The following HTR3B variants were observed in gnomAD, a reference collection of about 807,000 sequenced individuals.
The protein encoded by HTR3B is 5-hydroxytryptamine (serotonin) receptor 3B, ionotropic.
In HTR3B, 44 loss-of-function variants were observed where a neutral mutation model predicts 42.8. The ratio of observed to expected loss-of-function variants is 1.03; its 90% CI spans 0.81 to 1.32. The LOEUF is 1.32. Among genes scored for constraint, HTR3B ranks in the 40% most tolerant of loss-of-function variants. The pLI, the probability that HTR3B is intolerant of heterozygous loss-of-function variation, is 0.00. For synonymous variants in HTR3B, 203 were observed against 209.0 expected (o/e 0.97, Z 0.25); for missense variants, 527 against 536.5 (o/e 0.98, Z 0.17).
At chr11:113,912,978 A>G (rs1199552762) in intron 2 of HTR3B, among the ~76,000 whole-genome samples, 1 of 149,282 alleles carries the variant, frequency 6.7e-6, no homozygotes, top group Non-Finnish European at 1.5e-5. Context: ...TACCTCCTAT[A>G]TTATATAATA....
In HTR3B at chr11:113,916,244, C is replaced by T. The variant is rs370443649; in HGVS notation, c.213+6789C>T. Among the ~76,000 whole-genome samples, 529 of 152,240 alleles carry T rather than the reference C, an allele frequency of 3.5e-3. 2 individuals are homozygous for T. Among genetic ancestry groups the T allele is most frequent in the Middle Eastern group, 0.014 (4 of 294 alleles). ...AACATGTTGAACATTTTTTCATGTG[C>T]TTATTTGCCAATTGCCAACTGTATA... On this transcript the variant is annotated intron_variant, in intron 2 of 8. Transcript: ENST00000260191.
intron 2 of HTR3B, among the ~76,000 whole-genome samples, chr11:113,930,326 A>G (rs778583374): frequency 1.1e-4 from 16 of 152,042 alleles, no homozygotes; most frequent in Non-Finnish European, 2.1e-4. Context: ...TTTATAGTTT[A>G]AGCTCTTACA....
At chr11:113,914,403 G>T (rs906945767) in intron 2 of HTR3B, among the ~76,000 whole-genome samples, 2 of 151,124 alleles carry the variant, frequency 1.3e-5, no homozygotes, top group African/African-American at 4.9e-5. Flanking sequence ...GGCGGAGGTT[G>T]CAGTGAGCCG....
intron 6 of HTR3B, among the ~76,000 whole-genome samples, chr11:113,942,146 G>A (rs975896631): frequency 6.6e-6 from 1 of 152,162 alleles, no homozygotes; most frequent in Non-Finnish European, 1.5e-5. Flanking sequence ...GAGGCAGGGG[G>A]ATCACCTGAG....
upstream of HTR3B, among the ~76,000 whole-genome samples, chr11:113,904,261 A>G (rs1949717900): frequency 6.6e-6 from 1 of 152,230 alleles, no homozygotes; most frequent in Admixed American, 6.5e-5. Context: ...CATCCTTTCT[A>G]GAAGGTTACT....
intron 6 of HTR3B, among the ~76,000 whole-genome samples, chr11:113,938,083 T>G (rs1176737): frequency 6.6e-6 from 1 of 152,020 alleles, no homozygotes; most frequent in Non-Finnish European, 1.5e-5. Context: ...GTCTCTTCTC[T>G]TCTTATCAGA....
At position 113,940,011 on chromosome 11, in the gene HTR3B, C is replaced by T. The variant is rs150240734; in HGVS notation, c.697-2971C>T. Reference sequence around the variant, plus strand: ...AAGCGATTCTCCTGCCTCAGCCTCCCGAGTAGCTGGGACTACAGGCACATG... The same window carrying T: ...AAGCGATTCTCCTGCCTCAGCCTCCTGAGTAGCTGGGACTACAGGCACATG... On this transcript the variant is annotated intron_variant, in intron 6 of 8. Coordinates refer to ENST00000260191, the MANE Select transcript of HTR3B (RefSeq NM_006028.5). Among the ~76,000 whole-genome samples, 113 of 151,996 alleles carry T rather than the reference C, an allele frequency of 7.4e-4. 2 individuals are homozygous for T. The East Asian group carries it at 0.021, about 28-fold the overall frequency.
upstream of HTR3B, among the ~76,000 whole-genome samples, chr11:113,903,114 T>C (rs899156936): frequency 1.3e-5 from 2 of 152,086 alleles, no homozygotes; most frequent in Non-Finnish European, 2.9e-5. Context: ...CAAGCAGTCC[T>C]CTTACTTCAA....
intron 1 of HTR3B, among the ~76,000 whole-genome samples, chr11:113,906,542 T>C (rs561304201): frequency 6.6e-6 from 1 of 152,270 alleles, no homozygotes; most frequent in South Asian, 2.1e-4. Context: ...ATGCAGAAAA[T>C]ACCACTGGCT....
chr11:113,939,876 T>C (rs1950119811), intron 6 of HTR3B, among the ~76,000 whole-genome samples: 1 of 150,106 alleles, frequency 6.7e-6, no homozygotes, highest in Non-Finnish European at 1.5e-5. Flanking sequence ...TCTGGAACTC[T>C]GTCCCCTTGG....
At chr11:113,938,551 G>T (rs1024528236) in intron 6 of HTR3B, among the ~76,000 whole-genome samples, 6 of 152,110 alleles carry the variant, frequency 3.9e-5, no homozygotes, top group African/African-American at 1.4e-4. Context: ...CTTATTAATA[G>T]TACTAACTTC....
chr11:113,931,896 G>T, intron 4 of HTR3B, 29 bp downstream of exon 4: 2 of 1,253,812 alleles, frequency 1.6e-6, no homozygotes, highest in Non-Finnish European at 2.4e-6. Context: ...ATTTCTGTGG[G>T]GTTTAGACTG....
intron 3 of HTR3B, 121 bp from the exon 4 acceptor site, chr11:113,931,637 C>T: frequency 2.8e-6 from 2 of 709,732 alleles, no homozygotes; most frequent in Non-Finnish European, 4.8e-6. Context: ...AGTCCTTTCT[C>T]CTAACAGGTA....
intron 7 of HTR3B, among the ~76,000 whole-genome samples, chr11:113,943,693 A>C (rs961385730): frequency 1.3e-5 from 2 of 151,778 alleles, no homozygotes; most frequent in African/African-American, 4.8e-5. Flanking sequence ...TGAGCCATTG[A>C]TTTCAGCTAT....
chr11:113,926,695 T>G (rs535414856), intron 2 of HTR3B, among the ~76,000 whole-genome samples: 2 of 152,034 alleles, frequency 1.3e-5, no homozygotes, highest in South Asian at 4.2e-4. Context: ...ACCCAACTAA[T>G]TTTTGTATTT....
chr11:113,903,654 C>T (rs1225251711), upstream of HTR3B, among the ~76,000 whole-genome samples: 1 of 152,062 alleles, frequency 6.6e-6, no homozygotes, highest in Non-Finnish European at 1.5e-5. Flanking sequence ...TCTCAAACTC[C>T]TAACCTCAAG....
intron 2 of HTR3B, among the ~76,000 whole-genome samples, chr11:113,927,061 A>C (rs1019756458): frequency 2.0e-5 from 3 of 152,154 alleles, no homozygotes; most frequent in African/African-American, 7.2e-5. Flanking sequence ...TCTCCTTAGG[A>C]GAAATATATA....
chr11:113,936,323 C>T, intron 6 of HTR3B, among the ~76,000 whole-genome samples: 1 of 152,158 alleles, frequency 6.6e-6, no homozygotes, highest in South Asian at 2.1e-4. Flanking sequence ...CAGATATCCT[C>T]ACACCAAGTA....
intron 6 of HTR3B, among the ~76,000 whole-genome samples, chr11:113,936,322 T>C (rs948101855): frequency 3.9e-5 from 6 of 152,252 alleles, no homozygotes; most frequent in African/African-American, 9.6e-5. Context: ...ACAGATATCC[T>C]CACACCAAGT....
Sources: allele counts gnomAD v4.1 joint callset (sites outside exome capture counted in the v4.1 genomes callset), GRCh38; gene constraint gnomAD v4.1.1; transcripts MANE v1.5; gene names NCBI Gene and HGNC (gene_info 2026-07-23, HGNC 2026-07-21).